Variants in DNM1 observed in about 807,000 individuals in gnomAD.
DNM1 encodes dynamin 1.
A neutral mutation model predicts 104.6 loss-of-function variants in DNM1; 29 were observed. The ratio of observed to expected loss-of-function variants is 0.28; its 90% CI spans 0.21 to 0.38. DNM1 has a LOEUF of 0.38. Among genes scored for constraint, DNM1 ranks in the 10% least tolerant of loss-of-function variants. The pLI is 1.00. For missense variants in DNM1, 640 were observed against 1,189.4 expected (o/e 0.54, Z 6.79); for synonymous variants, 445 against 475.8 (o/e 0.94, Z 0.84).
At position 128,203,456 on chromosome 9, in the gene DNM1, G is replaced by A. The variant is rs376941388; in HGVS notation, c.-15G>A. On this transcript the variant is annotated 5_prime_UTR_variant, in exon 1 of 22. Coordinates refer to ENST00000372923, the MANE Select transcript of DNM1 (RefSeq NM_004408.4). This position sits in a 1 kb window ranked among gnomAD's most constrained non-coding sequence, Gnocchi z 5.3. ...AGCGGCAGCCGGATCGCAGCCTGCG[G>A]GGCCCGCCGCAGCCATGGGCAACCG... The A allele has an allele frequency of 6.8e-7, 1 of 1,468,936 alleles. No individual in the cohort carries two copies. Among genetic ancestry groups the A allele is most frequent in the Non-Finnish European group, 9.0e-7 (1 of 1,108,832 alleles). 91.0% of individuals were successfully genotyped at this position (1,468,936 alleles called of 1,614,324 possible).
At chr9:128,221,071 CTCTT>C (rs1834993370) in intron 6 of DNM1, 1 of 133,680 alleles carries the variant, frequency 7.5e-6, no homozygotes, top group Non-Finnish European at 1.6e-5. Context: ...CTTTCTTTCT[CTCTT>C]TCTCTCTTTC....
intron 1 of DNM1, among the ~76,000 whole-genome samples, chr9:128,209,474 C>T (rs544724003): frequency 4.8e-4 from 73 of 152,124 alleles, no homozygotes; most frequent in Admixed American, 1.1e-3. Context: ...AACGGACGCC[C>T]ACATGCCATA....
intron 1 of DNM1, among the ~76,000 whole-genome samples, chr9:128,217,402 A>G (rs886067265): frequency 1.3e-5 from 2 of 152,104 alleles, no homozygotes; most frequent in African/African-American, 4.8e-5. Context: ...ACTAAGAAGC[A>G]TGAGTTTTTT....
chr9:128,246,785 TTCCATTCTC>T (rs1836853620), intron 16 of DNM1, among the ~76,000 whole-genome samples: 1 of 137,824 alleles, frequency 7.3e-6, no homozygotes, highest in African/African-American at 2.6e-5. Context: ...CCTCCCTTCC[TTCCATTCTC>T]CCCTTCCCTC....
chr9:128,220,478 C>G lies in DNM1; in HGVS notation c.849+137C>G. The G allele has an allele frequency of 8.8e-7, 1 of 1,137,764 alleles. No individual in the cohort carries two copies. The highest frequency in any genetic ancestry group is 1.5e-5 in the South Asian group (1 of 66,320). 70.5% of individuals were successfully genotyped at this position (1,137,764 alleles called of 1,614,324 possible). A position where few individuals can be genotyped will look rare whatever the true frequency, so the allele number is the denominator to read the frequency against. ...CAAACTGAGCCTCAGAAAAGCAAAG[C>G]AACTTGCCCACAGCCCCACAGCTAG... On this transcript the variant is annotated intron_variant, in intron 6 of 21. Coordinates refer to ENST00000372923, the MANE Select transcript of DNM1 (RefSeq NM_004408.4). The surrounding 1 kb of genome is among the most constrained non-coding windows in gnomAD (Gnocchi z 5.2).
intron 1 of DNM1, among the ~76,000 whole-genome samples, chr9:128,205,063 C>T (rs1394870513): frequency 6.6e-6 from 1 of 152,092 alleles, no homozygotes; most frequent in Non-Finnish European, 1.5e-5. Context: ...TGGGGGCGGC[C>T]GTGCCCATCT....
At position 128,220,389 on chromosome 9, in the gene DNM1, A is replaced by G. The variant is rs770750527; in HGVS notation, c.849+48A>G. The G allele has an allele frequency of 6.2e-6, 10 of 1,601,278 alleles. No individual in the cohort carries two copies. The highest frequency in any genetic ancestry group is 6.8e-6 in the Non-Finnish European group (8 of 1,175,186). ...GGCCTGGGGAAACAAGCATGAAAACAGGATAAATTAAGTGTGTTCTGAGAG... is the reference window on the plus strand; with the variant it reads ...GGCCTGGGGAAACAAGCATGAAAACGGGATAAATTAAGTGTGTTCTGAGAG... On this transcript the variant is annotated intron_variant, in intron 6 of 21. Transcript: ENST00000372923. The surrounding 1 kb of genome is among the most constrained non-coding windows in gnomAD (Gnocchi z 5.2).
At chr9:128,242,684 C>T (rs891455646) in intron 15 of DNM1, among the ~76,000 whole-genome samples, 11 of 152,232 alleles carry the variant, frequency 7.2e-5, no homozygotes, top group African/African-American at 1.2e-4. Flanking sequence ...GCCTTGAACC[C>T]GGGAGGCGGA....
chr9:128,253,295 T>A lies in DNM1; in HGVS notation c.2535-1359T>A, dbSNP rs1588466741. 2.2e-5 allele frequency: 15 copies of A among 691,806 alleles called. No individual in the cohort carries two copies. In the East Asian group the frequency reaches 4.1e-4, roughly 19 times the overall value. 42.9% of individuals were successfully genotyped at this position (691,806 alleles called of 1,614,324 possible). ...TTTCCTCTTTCTGTCCTTGTGCCGC[T>A]GGCTCTCTCACCTCCCTTCCCTGCG... On this transcript the variant is annotated intron_variant, in intron 21 of 21. Transcript: ENST00000372923. This position sits in a 1 kb window ranked among gnomAD's most constrained non-coding sequence, Gnocchi z 5.9.
At chr9:128,211,809 G>T (rs1020088110) in intron 1 of DNM1, among the ~76,000 whole-genome samples, 2 of 152,130 alleles carry the variant, frequency 1.3e-5, no homozygotes, top group African/African-American at 4.8e-5. Flanking sequence ...GTGTGGGGTG[G>T]GGCTTTGTTT....
At chr9:128,210,348 C>CATCATTATTATTATT (rs1834212004) in intron 1 of DNM1, among the ~76,000 whole-genome samples, 1 of 141,610 alleles carries the variant, frequency 7.1e-6, no homozygotes, top group Non-Finnish European at 1.5e-5. Context: ...ATTTATTTGG[C>CATCATTATTATTATT]ATTATTATTA....
Position 128,250,956 on chromosome 9 carries a change from A to G in DNM1, c.2534+16A>G. 7.3e-7 allele frequency: 1 copy of G among 1,361,930 alleles called. No individual in the cohort carries two copies. The highest frequency in any genetic ancestry group is 9.8e-7 in the Non-Finnish European group (1 of 1,025,018). The allele number at this position is 1,361,930 out of a possible 1,614,324, so 84.4% of individuals were successfully genotyped here. On this transcript the variant is annotated intron_variant, in intron 21 of 21. Coordinates refer to ENST00000372923, the MANE Select transcript of DNM1 (RefSeq NM_004408.4). ...GGGTCCCCAGGTGAGTAGGGGCTGA[A>G]TGCGGCTGGAGAGGCTGCCGGACGG...
chr9:128,225,600 C>T (rs1196626568), intron 10 of DNM1, among the ~76,000 whole-genome samples: 1 of 152,150 alleles, frequency 6.6e-6, no homozygotes, highest in African/African-American at 2.4e-5. Context: ...GAGGTCCTGG[C>T]CTTGTCCTGG....
Position 128,218,911 on chromosome 9 carries a change from A to G in DNM1, c.386-138A>G. On this transcript the variant is annotated intron_variant, in intron 3 of 21. Transcript: ENST00000372923. The surrounding 1 kb of genome is among the most constrained non-coding windows in gnomAD (Gnocchi z 4.8). ...CCGGCCACGCCTCCAACAGACTGCC[A>G]CTTTCGCCCTGAGATTTCCTAGTCC... 1 of 1,283,402 alleles carries G rather than the reference A, an allele frequency of 7.8e-7. No individual in the cohort carries two copies. 79.5% of individuals were successfully genotyped at this position (1,283,402 alleles called of 1,614,324 possible).
rs1470166947 is a variant in DNM1 at position 128,243,056 on chromosome 9, G to T, written c.1671+711G>T. Among the ~76,000 whole-genome samples the T allele has an allele frequency of 1.3e-5, 2 of 152,164 alleles. No individual in the cohort carries two copies. The highest frequency in any genetic ancestry group is 4.8e-5 in the African/African-American group (2 of 41,442). On this transcript the variant is annotated intron_variant, in intron 15 of 21. Coordinates refer to ENST00000372923, the MANE Select transcript of DNM1 (RefSeq NM_004408.4). The surrounding 1 kb of genome is among the most constrained non-coding windows in gnomAD (Gnocchi z 4.0). ...GCTGCCAGACACCCGGTTAACCCCT[G>T]CACCCCAGTCCCCTAGACCCCTGCA...
At position 128,248,882 on chromosome 9, in the gene DNM1, CAGAG is replaced by C; in HGVS notation, c.2076+130_2076+133del. The C allele has an allele frequency of 2.0e-6, 2 of 988,186 alleles. No individual in the cohort carries two copies. Among genetic ancestry groups the C allele is most frequent in the Non-Finnish European group, 3.0e-6 (2 of 661,302 alleles). The allele number at this position is 988,186 out of a possible 1,614,324, so 61.2% of individuals were successfully genotyped here. A position where few individuals can be genotyped will look rare whatever the true frequency, so the allele number is the denominator to read the frequency against. ...CCAGGGAGGGAGGCACGGTCCAGAC[CAGAG>C]CTGTCCAATAGAAATATCATGAGGG... On this transcript the variant is annotated intron_variant, in intron 19 of 21. Coordinates refer to ENST00000372923, the MANE Select transcript of DNM1 (RefSeq NM_004408.4). The surrounding 1 kb of genome is among the most constrained non-coding windows in gnomAD (Gnocchi z 5.6).
At position 128,247,932 on chromosome 9, in the gene DNM1, G is replaced by A; in HGVS notation, c.1902G>A (p.Glu634=). The stretch of plus-strand genomic sequence containing the variant: ...GTGTGTGGGCCTCCCAGGACAAAGA[G>A]AAAGTGAGTGTGCCCTTCTCTTGCC... ...GVYPERVGDK[E]KASETEENGS... The change falls in exon 18 of 22, where the codon GAG becomes GAA. Residue 634 remains glutamate (E), a synonymous_variant. Coordinates refer to ENST00000372923, the MANE Select transcript of DNM1 (RefSeq NM_004408.4). The surrounding 1 kb of genome is among the most constrained non-coding windows in gnomAD (Gnocchi z 5.1). The A allele has an allele frequency of 6.2e-7, 1 of 1,614,130 alleles. No individual in the cohort carries two copies. Among genetic ancestry groups the A allele is most frequent in the South Asian group, 1.1e-5 (1 of 91,086 alleles).
At position 128,219,286 on chromosome 9, in the gene DNM1, C is replaced by T. The variant is rs748541142; in HGVS notation, c.589+34C>T. ...CCACCCGGTGGCCAATGCACAAAAC[C>T]CCAGGCTTGCAGGCTGTCTATTCTT... On this transcript the variant is annotated intron_variant, in intron 4 of 21. Transcript: ENST00000372923. 9 of 1,578,468 alleles carry T rather than the reference C, an allele frequency of 5.7e-6. No homozygotes were observed. The Admixed American group carries it at 1.0e-4, about 18-fold the overall frequency.
intron 1 of DNM1, among the ~76,000 whole-genome samples, chr9:128,216,761 G>A (rs1451332738): frequency 6.6e-6 from 1 of 152,234 alleles, no homozygotes. Context: ...GAAGACTTGT[G>A]AGTCTGGGTC....
Sources: gnomAD v4.1 joint callset for allele counts (sites outside exome capture counted in the v4.1 genomes callset) on GRCh38, gnomAD v4.1.1 for gene constraint, Gnocchi (gnomAD v3.1) non-coding constraint, MANE v1.5 for transcripts, NCBI Gene and HGNC (gene_info 2026-07-23, HGNC 2026-07-21) for gene names.